SLC8A1: variants seen among roughly 807,000 people sequenced by gnomAD.
The protein encoded by SLC8A1 is sodium/calcium exchanger 1.
A neutral mutation model predicts 68.3 loss-of-function variants in SLC8A1; 18 were observed. The ratio of observed to expected loss-of-function variants is 0.26; its 90% CI spans 0.18 to 0.39. SLC8A1 has a LOEUF of 0.39. SLC8A1 is among the 10% of genes least tolerant of loss of function. SLC8A1 has a pLI of 1.00. For synonymous variants in SLC8A1, 475 were observed against 415.5 expected (o/e 1.14, Z -1.74); for missense variants, 985 against 1,156.7 (o/e 0.85, Z 2.15).
chr2:40,163,128 C>T (rs1429096689), intron 5 of SLC8A1, among the ~76,000 whole-genome samples: 1 of 152,114 alleles, frequency 6.6e-6, no homozygotes, highest in African/African-American at 2.4e-5. Flanking sequence ...ATAAGTACCC[C>T]AAACAACTGG....
At chr2:40,327,949 A>G (rs536441811) in intron 2 of SLC8A1, among the ~76,000 whole-genome samples, 1 of 133,468 alleles carries the variant, frequency 7.5e-6, no homozygotes, top group Non-Finnish European at 1.6e-5. Context: ...ACATGCAGAA[A>G]TAAAACTGAA....
rs3833566 is a variant in SLC8A1, at chr2:40,175,506, A to ATGTG, written c.1913-668_1913-665dup. Among the ~76,000 whole-genome samples the ATGTG allele has an allele frequency of 6.1e-3, 918 of 151,088 alleles. 18 individuals are homozygous for ATGTG. The highest frequency in any genetic ancestry group is 0.061 in the South Asian group (290 of 4,778). On this transcript the variant is annotated intron_variant, in intron 3 of 7. Coordinates refer to ENST00000406785, the Ensembl canonical transcript of SLC8A1. ...TGTGTGTGATTGAATACATACGTAT[A>ATGTG]TGTGTGTGTGTGTGTGTATATGTAT...
chr2:40,154,607 G>A (rs1169675643), intron 6 of SLC8A1, among the ~76,000 whole-genome samples: 2 of 150,672 alleles, frequency 1.3e-5, no homozygotes, highest in Admixed American at 6.6e-5. Context: ...GATTACAGGT[G>A]TGAGCCACTG....
At chr2:40,215,811 T>C (rs1412803925) in intron 2 of SLC8A1, among the ~76,000 whole-genome samples, 1 of 152,068 alleles carries the variant, frequency 6.6e-6, no homozygotes, top group African/African-American at 2.4e-5. Context: ...ACTATTATTA[T>C]TATTACCTTA....
chr2:40,446,858 AGT>A (rs969224499), intron 1 of SLC8A1, among the ~76,000 whole-genome samples: 3 of 152,264 alleles, frequency 2.0e-5, no homozygotes, highest in African/African-American at 7.2e-5. Context: ...GCACATAAAA[AGT>A]GCTCAACAAA....
At chr2:40,175,312 G>A (rs1206797552) in intron 3 of SLC8A1, 31 bp from the exon 4 acceptor site, 2 of 1,605,896 alleles carry the variant, frequency 1.2e-6, no homozygotes, top group South Asian at 1.1e-5. Context: ...GACAAACACA[G>A]AATAAGAGAC....
rs148936361 is a variant in SLC8A1, at chr2:40,326,357, T to C, written c.1808+102116A>G. On this transcript the variant is annotated intron_variant, in intron 2 of 7. Coordinates refer to ENST00000406785, the Ensembl canonical transcript of SLC8A1. ...TCTCCTGGCCAAGACCACCTCATAATATAGATTAGAGGAAAGATCAAAAAT... is the reference window on the plus strand; with the variant it reads ...TCTCCTGGCCAAGACCACCTCATAACATAGATTAGAGGAAAGATCAAAAAT... Among the ~76,000 whole-genome samples the C allele has an allele frequency of 5.3e-5, 8 of 152,060 alleles. No individual in the cohort carries two copies. In the East Asian group the frequency reaches 1.6e-3, roughly 29 times the overall value.
intron 2 of SLC8A1, among the ~76,000 whole-genome samples, chr2:40,334,301 A>G (rs1665235238): frequency 6.6e-6 from 1 of 152,212 alleles, no homozygotes; most frequent in African/African-American, 2.4e-5. Context: ...ATATTGTATT[A>G]GGCTTTTGAT....
At chr2:40,200,728 T>C (rs183993694) in intron 2 of SLC8A1, among the ~76,000 whole-genome samples, 5 of 151,904 alleles carry the variant, frequency 3.3e-5, no homozygotes, top group Admixed American at 2.0e-4. Flanking sequence ...TCACCATAAC[T>C]CTTAAACTAT....
At chr2:40,329,774 G>A (rs1024915067) in intron 2 of SLC8A1, among the ~76,000 whole-genome samples, 1 of 152,126 alleles carries the variant, frequency 6.6e-6, no homozygotes, top group East Asian at 1.9e-4. Context: ...CTCCCAGGTT[G>A]CAAGTATTCC....
chr2:40,252,921 A>G (rs2063065760), intron 2 of SLC8A1, among the ~76,000 whole-genome samples: 1 of 138,266 alleles, frequency 7.2e-6, no homozygotes, highest in African/African-American at 2.8e-5. Flanking sequence ...GTGTATATAT[A>G]CATACATGTA....
At chr2:40,355,174 C>A (rs769653406) in intron 2 of SLC8A1, among the ~76,000 whole-genome samples, 9 of 152,124 alleles carry the variant, frequency 5.9e-5, no homozygotes, top group Non-Finnish European at 1.2e-4. Flanking sequence ...AACCCCTTCT[C>A]CCCCAAAAGC....
chr2:40,451,319 AC>A (rs1455723331), intron 1 of SLC8A1, among the ~76,000 whole-genome samples: 26 of 151,112 alleles, frequency 1.7e-4, no homozygotes, highest in Non-Finnish European at 7.4e-5. Context: ...ACTCCCTGCT[AC>A]CCCCTACATT....
At chr2:40,111,671 G>T (rs972087635) in exon 8 of SLC8A1, 7 of 152,016 alleles carry the variant, frequency 4.6e-5, no homozygotes, top group African/African-American at 1.7e-4. Context: ...ATACTGTTTT[G>T]ACTATATGAT....
intron 2 of SLC8A1, among the ~76,000 whole-genome samples, chr2:40,228,156 G>C (rs538138488): frequency 6.6e-6 from 1 of 152,262 alleles, no homozygotes; most frequent in Admixed American, 6.5e-5. Flanking sequence ...ATGGAATACA[G>C]AATGATGAAA....
intron 1 of SLC8A1, 27 bp from the exon 2 acceptor site, chr2:40,430,331 G>C (rs1349780020): frequency 2.6e-6 from 4 of 1,536,970 alleles, no homozygotes; most frequent in Non-Finnish European, 3.5e-6. Flanking sequence ...GGGGGAGAGG[G>C]CAGAAAAAAA....
chr2:40,143,718 G>A (rs1205133835), intron 6 of SLC8A1, among the ~76,000 whole-genome samples: 1 of 152,170 alleles, frequency 6.6e-6, no homozygotes, highest in African/African-American at 2.4e-5. Context: ...GAGAGCAAGA[G>A]CATCATCAGC....
At chr2:40,319,036 G>C (rs1356850412) in intron 2 of SLC8A1, among the ~76,000 whole-genome samples, 1 of 152,034 alleles carries the variant, frequency 6.6e-6, no homozygotes, top group Non-Finnish European at 1.5e-5. Flanking sequence ...ACAGGATTTG[G>C]AAAGTGAGAC....
chr2:40,195,639 TG>T (rs2052825543), intron 2 of SLC8A1: 1 of 152,066 alleles, frequency 6.6e-6, no homozygotes, highest in African/African-American at 2.4e-5. Context: ...GATAATAATA[TG>T]GGAGGTTAAG....
Sources: gnomAD v4.1 joint callset for allele counts (sites outside exome capture counted in the v4.1 genomes callset) on GRCh38, gnomAD v4.1.1 for gene constraint, MANE v1.5 for transcripts, NCBI Gene and HGNC (gene_info 2026-07-23, HGNC 2026-07-21) for gene names.